Variants in GRID2 observed in about 807,000 individuals in gnomAD.
The protein encoded by GRID2 is glutamate receptor ionotropic, delta-2.
Under a neutral mutation model 114.8 loss-of-function variants are expected in GRID2, and 33 were observed. The observed-to-expected ratio is 0.29, with a 90% CI of 0.22 to 0.38. GRID2 has a LOEUF of 0.38. Among genes scored for constraint, GRID2 ranks in the 10% least tolerant of loss-of-function variants. GRID2 has a pLI of 1.00. For missense variants in GRID2, 1,184 were observed against 1,257.7 expected (o/e 0.94, Z 0.89); for synonymous variants, 505 against 449.9 (o/e 1.12, Z -1.55).
intron 2 of GRID2, among the ~76,000 whole-genome samples, chr4:92,834,131 C>T (rs1025189529): frequency 6.6e-6 from 1 of 151,940 alleles, no homozygotes; most frequent in Non-Finnish European, 1.5e-5. Context: ...AAAGGATTTC[C>T]CCTGAACCTT....
intron 2 of GRID2, among the ~76,000 whole-genome samples, chr4:92,935,074 A>C (rs1268030684): frequency 1.4e-5 from 2 of 146,948 alleles, no homozygotes; most frequent in African/African-American, 2.4e-5. Context: ...TGCACAGCAG[A>C]AGAAACTAGC....
In GRID2 at chr4:92,819,176, GA is replaced by G. The variant is rs1427410376; in HGVS notation, c.244+228893del. On this transcript the variant is annotated intron_variant, in intron 2 of 15. Coordinates refer to ENST00000282020, the MANE Select transcript of GRID2 (RefSeq NM_001510.4). ...ATAGTATCATTCAAAGAATTATCTAGAAAGTGGATAATTTTGGCCAAATCTG... is the reference window on the plus strand; with the variant it reads ...ATAGTATCATTCAAAGAATTATCTAGAAGTGGATAATTTTGGCCAAATCTG... Among the ~76,000 whole-genome samples, 6 of 152,248 alleles carry G rather than the reference GA, an allele frequency of 3.9e-5. No individual in the cohort carries two copies. In the East Asian group the frequency reaches 1.2e-3, roughly 29 times the overall value.
intron 14 of GRID2, among the ~76,000 whole-genome samples, chr4:93,643,400 A>T (rs1721801318): frequency 3.2e-5 from 1 of 31,248 alleles, no homozygotes; most frequent in Non-Finnish European, 5.0e-5. Context: ...TGCGTTTTAG[A>T]GTTTCCAGTT....
intron 1 of GRID2, among the ~76,000 whole-genome samples, chr4:92,419,569 A>T (rs1731791296): frequency 6.6e-6 from 1 of 152,126 alleles, no homozygotes; most frequent in Non-Finnish European, 1.5e-5. Context: ...TGGTCTTGTT[A>T]GGTGATTGGG....
intron 8 of GRID2, among the ~76,000 whole-genome samples, chr4:93,272,205 A>G (rs1263586735): frequency 6.6e-6 from 1 of 152,220 alleles, no homozygotes; most frequent in East Asian, 1.9e-4. Flanking sequence ...ATTAGGGAAG[A>G]AATCAGAGAA....
At chr4:92,916,203 T>G (rs1487388188) in intron 2 of GRID2, among the ~76,000 whole-genome samples, 1 of 152,100 alleles carries the variant, frequency 6.6e-6, no homozygotes, top group Non-Finnish European at 1.5e-5. Context: ...AGTGTTGTGT[T>G]TTACATTTAA....
chr4:92,641,238 AT>A (rs1423352411), intron 2 of GRID2, among the ~76,000 whole-genome samples: 3 of 151,584 alleles, frequency 2.0e-5, no homozygotes, highest in Non-Finnish European at 2.9e-5. Flanking sequence ...CTAAATATAT[AT>A]ATTATGAAAA....
At chr4:92,491,993 G>A (rs1723166873) in intron 1 of GRID2, among the ~76,000 whole-genome samples, 1 of 152,140 alleles carries the variant, frequency 6.6e-6, no homozygotes, top group African/African-American at 2.4e-5. Context: ...TTTTCTGTGA[G>A]GATGGGCTTT....
chr4:92,360,825 T>C (rs1250987211), intron 1 of GRID2, among the ~76,000 whole-genome samples: 2 of 151,956 alleles, frequency 1.3e-5, no homozygotes, highest in Non-Finnish European at 2.9e-5. Context: ...TGATTCAAAG[T>C]GATCTCCACA....
chr4:93,760,785 T>C lies in GRID2; in HGVS notation c.2361-8425T>C, dbSNP rs1299740512. ...ACACAACCTTTTCTGCCTCAGTTCA[T>C]TGTCTTACCCGTTCTTAGTAAATCA... On this transcript the variant is annotated intron_variant, in intron 14 of 15. Coordinates refer to ENST00000282020, the MANE Select transcript of GRID2 (RefSeq NM_001510.4). Among the ~76,000 whole-genome samples the C allele has an allele frequency of 3.3e-5, 5 of 152,370 alleles. No homozygotes were observed. The East Asian group carries it at 9.7e-4, about 29-fold the overall frequency.
At chr4:93,489,893 G>T (rs1385328986) in intron 11 of GRID2, among the ~76,000 whole-genome samples, 2 of 151,890 alleles carry the variant, frequency 1.3e-5, no homozygotes, top group Non-Finnish European at 2.9e-5. Context: ...AATCATGTAG[G>T]CTTTTATCTA....
At chr4:92,804,393 G>A (rs1740315254) in intron 2 of GRID2, among the ~76,000 whole-genome samples, 1 of 151,884 alleles carries the variant, frequency 6.6e-6, no homozygotes. Context: ...AATTATAATA[G>A]ATATGAATAC....
intron 2 of GRID2, among the ~76,000 whole-genome samples, chr4:92,762,789 C>A (rs972745570): frequency 6.6e-6 from 1 of 152,182 alleles, no homozygotes; most frequent in African/African-American, 2.4e-5. Context: ...ATCTGCATTA[C>A]TTTTTATCCT....
intron 3 of GRID2, among the ~76,000 whole-genome samples, chr4:93,094,459 C>G (rs905060692): frequency 1.3e-5 from 2 of 151,926 alleles, no homozygotes; most frequent in Non-Finnish European, 2.9e-5. Flanking sequence ...TTTACTATGG[C>G]ACTCAGTCCA....
chr4:92,508,378 G>T (rs186514204), intron 1 of GRID2, among the ~76,000 whole-genome samples: 31 of 152,020 alleles, frequency 2.0e-4, no homozygotes, highest in Non-Finnish European at 4.1e-4. Flanking sequence ...GGTAAATACT[G>T]ATAGGACATA....
intron 13 of GRID2, among the ~76,000 whole-genome samples, chr4:93,530,339 CA>C (rs1423975932): frequency 6.6e-6 from 1 of 152,102 alleles, no homozygotes; most frequent in Non-Finnish European, 1.5e-5. Flanking sequence ...TTCTGTTTTT[CA>C]GTATTCATTT....
intron 2 of GRID2, among the ~76,000 whole-genome samples, chr4:93,023,250 C>T (rs1035137325): frequency 2.0e-5 from 3 of 151,410 alleles, no homozygotes; most frequent in Non-Finnish European, 3.0e-5. Context: ...GCTGTATTTT[C>T]CTGAATGATA....
chr4:93,691,791 C>T (rs1180264322), intron 14 of GRID2, among the ~76,000 whole-genome samples: 1 of 151,890 alleles, frequency 6.6e-6, no homozygotes, highest in East Asian at 1.9e-4. Flanking sequence ...TTTCCATCTG[C>T]ACATAAGAAT....
rs890794574 is a variant in GRID2 at position 93,130,356 on chromosome 4, A to C, written c.735+19403A>C. On this transcript the variant is annotated intron_variant, in intron 4 of 15. Coordinates refer to ENST00000282020, the MANE Select transcript of GRID2 (RefSeq NM_001510.4). ...CTTAGGAGGCTAAGGCAAGAGGATT[A>C]CTGGAGCCCAGGATGTCAAGGCTGC... Among the ~76,000 whole-genome samples, 4 of 152,158 alleles carry C rather than the reference A, an allele frequency of 2.6e-5. No individual in the cohort carries two copies. In the South Asian group the frequency reaches 6.2e-4, roughly 24 times the overall value.
Sources: gnomAD v4.1 joint callset for allele counts (sites outside exome capture counted in the v4.1 genomes callset) on GRCh38, gnomAD v4.1.1 for gene constraint, MANE v1.5 for transcripts, NCBI Gene and HGNC (gene_info 2026-07-23, HGNC 2026-07-21) for gene names.